The following CHM variants were observed in gnomAD, a reference collection of about 807,000 sequenced individuals.
CHM encodes CHM Rab escort protein.
In CHM, 10 loss-of-function variants were observed where a neutral mutation model predicts 49.0. The observed-to-expected ratio is 0.20, with a 90% CI of 0.13 to 0.35. CHM has a LOEUF of 0.35. CHM is among the 10% of genes least tolerant of loss of function. The pLI, the probability that CHM is intolerant of heterozygous loss-of-function variation, is 1.00. For synonymous variants in CHM, 184 were observed against 167.5 expected (o/e 1.10, Z -0.76); for missense variants, 455 against 478.4 (o/e 0.95, Z 0.46).
At chrX:85,914,209 T>C (rs1009393677) in intron 8 of CHM, among the ~76,000 whole-genome samples, 1 of 109,675 alleles carries the variant, frequency 9.1e-6, no homozygotes, top group East Asian at 2.9e-4. Context: ...ACGGGAAGAG[T>C]TGCAGTGGAG....
At chrX:86,013,467 C>T (rs1425559846) in intron 2 of CHM, among the ~76,000 whole-genome samples, 1 of 111,624 alleles carries the variant, frequency 9.0e-6, no homozygotes, top group Non-Finnish European at 1.9e-5. Context: ...GGGACGGTGG[C>T]TCATGCCTGT....
chrX:85,905,535 G>C (rs1163559650), intron 9 of CHM, among the ~76,000 whole-genome samples: 1 of 111,683 alleles, frequency 9.0e-6, no homozygotes, highest in Non-Finnish European at 1.9e-5. Context: ...ATAAGGATAG[G>C]GAATTACACA....
chrX:86,026,127 T>TTTTTTTTTTTTTTTTTTG (rs1933812685), intron 2 of CHM, among the ~76,000 whole-genome samples: 1 of 75,721 alleles, frequency 1.3e-5, no homozygotes, highest in Non-Finnish European at 2.5e-5. Context: ...TTTTTTTTTT[T>TTTTTTTTTTTTTTTTTTG]TTTTTTTTTT....
At chrX:86,028,827 GATCCTCTC>G (rs1933939576) in intron 1 of CHM, among the ~76,000 whole-genome samples, 1 of 111,025 alleles carries the variant, frequency 9.0e-6, no homozygotes, top group Non-Finnish European at 1.9e-5. Flanking sequence ...GAAACATCCT[GATCCTCTC>G]GTGTTTTTAC....
At chrX:85,874,401 G>A (rs1924296797) in intron 13 of CHM, among the ~76,000 whole-genome samples, 1 of 110,965 alleles carries the variant, frequency 9.0e-6, no homozygotes, top group Non-Finnish European at 1.9e-5. Context: ...AAGACCATGA[G>A]GCACCTCATG....
chrX:85,984,546 G>GT (rs1385085299), intron 2 of CHM, among the ~76,000 whole-genome samples: 1 of 111,813 alleles, frequency 8.9e-6, no homozygotes, highest in African/African-American at 3.3e-5. Context: ...ATATCTGGTA[G>GT]TTTTTTAATA....
intron 1 of CHM, among the ~76,000 whole-genome samples, chrX:86,036,357 A>C (rs762203974): frequency 6.3e-5 from 7 of 111,964 alleles, no homozygotes; most frequent in African/African-American, 2.3e-4. Flanking sequence ...TTTCTGGCTG[A>C]CAATTTGTTG....
chrX:86,013,183 T>G (rs1933148226), intron 2 of CHM, among the ~76,000 whole-genome samples: 1 of 111,432 alleles, frequency 9.0e-6, no homozygotes. Context: ...AATAAAATTC[T>G]TCTCTGCCCA....
chrX:85,887,262 C>T (rs1219894291), intron 12 of CHM, among the ~76,000 whole-genome samples: 1 of 110,720 alleles, frequency 9.0e-6, no homozygotes, highest in Non-Finnish European at 1.9e-5. Flanking sequence ...CTTTCCCATG[C>T]TGTTCTTGTG....
intron 2 of CHM, chrX:86,019,532 T>C (rs1933447998): frequency 9.0e-6 from 1 of 111,546 alleles, no homozygotes; most frequent in Non-Finnish European, 1.9e-5. Flanking sequence ...AACAAACAAA[T>C]ATCTGGCAAG....
In CHM at chrX:85,870,845, T is replaced by C. The variant is rs931845702; in HGVS notation, c.1770+2207A>G. On this transcript the variant is annotated intron_variant, in intron 14 of 14. Transcript: ENST00000357749. ...GCCAGGAGCACACAATTTGAACTTG[T>C]GGGTATTAAAGACAGATCACTTTAT... 3.6e-5 allele frequency among the ~76,000 whole-genome samples: 4 copies of C among 111,443 alleles called. No individual in the cohort carries two copies. The Admixed American group carries it at 3.8e-4, about 11-fold the overall frequency.
chrX:85,887,964 G>A (rs1350208486), intron 12 of CHM, among the ~76,000 whole-genome samples: 1 of 112,057 alleles, frequency 8.9e-6, no homozygotes, highest in African/African-American at 3.2e-5. Flanking sequence ...ATAAAAGTTT[G>A]GAAAATTTGC....
intron 2 of CHM, among the ~76,000 whole-genome samples, chrX:86,013,498 C>T (rs1462738544): frequency 9.0e-6 from 1 of 111,279 alleles, no homozygotes; most frequent in Non-Finnish European, 1.9e-5. Flanking sequence ...ATTTGGGTGG[C>T]CGAGACAGGC....
At position 85,963,995 on chromosome X, in the gene CHM, A is replaced by G. The variant is rs1569229228; in HGVS notation, c.372T>C (p.Leu124=). 4.1e-6 allele frequency: 5 copies of G among 1,207,112 alleles called. No homozygotes were observed. The African/African-American group carries it at 8.8e-5, about 21-fold the overall frequency. ...CTTCTGTGGAGTTTGCAGATGTCAC[A>G]AGAGCATGATTTTTCTGCAGTGCAC... ...EAGALQKNHA[L]VTSANSTEAA... is the part of the protein sequence containing the mutation. Residue 124 remains leucine (L), a synonymous_variant, in exon 5 of 15, where the codon CTT becomes CTC. Coordinates refer to ENST00000357749, the MANE Select transcript of CHM (RefSeq NM_000390.4).
rs1280877245 is a variant in CHM at position 85,958,922 on chromosome X, C to T, written c.758G>A (p.Arg253Gln). 3.3e-6 allele frequency: 4 copies of T among 1,211,137 alleles called. No homozygotes were observed. The highest frequency in any genetic ancestry group is 1.1e-6 in the Non-Finnish European group (1 of 895,260). The change falls in exon 6 of 15, where the codon CGA (arginine) becomes CAA (glutamine). Residue 253 changes from arginine to glutamine, a missense_variant. Physicochemically the swap from Arg to Gln is conservative, Grantham distance 43. Coordinates refer to ENST00000357749, the MANE Select transcript of CHM (RefSeq NM_000390.4). ...IDLLIKSNVS[R>Q]YAEFKNITRI... ...GGTAATATTTTTAAACTCTGCATAT[C>T]GACTAACATTAGATTTGATTAGAAG... is the stretch of plus-strand genomic sequence containing the variant.
At chrX:85,911,697 C>G (rs375844036) in intron 8 of CHM, among the ~76,000 whole-genome samples, 25 of 110,843 alleles carry the variant, frequency 2.3e-4, no homozygotes, top group African/African-American at 8.2e-4. Context: ...CAAGAGAAAT[C>G]ACCATTGAGA....
At chrX:85,972,177 T>C (rs139047623) in intron 4 of CHM, among the ~76,000 whole-genome samples, 18,694 of 110,037 alleles carry the variant, frequency 0.17, 1,544 homozygotes, top group Non-Finnish European at 0.25. Flanking sequence ...AGAGTGTCGA[T>C]TGGTGCACTC....
chrX:85,941,305 T>G (rs987252019), intron 8 of CHM, among the ~76,000 whole-genome samples: 2 of 111,446 alleles, frequency 1.8e-5, no homozygotes, highest in South Asian at 7.6e-4. Flanking sequence ...ACCTGGGAAT[T>G]TGTTAAAATT....
At chrX:86,031,949 T>G (rs1187616215) in intron 1 of CHM, among the ~76,000 whole-genome samples, 1 of 112,977 alleles carries the variant, frequency 8.9e-6, no homozygotes, top group Non-Finnish European at 1.9e-5. Flanking sequence ...AAATTAATAT[T>G]TCTAAGTGCA....
Sources: allele counts gnomAD v4.1 joint callset (sites outside exome capture counted in the v4.1 genomes callset), GRCh38; gene constraint gnomAD v4.1.1; transcripts MANE v1.5; gene names NCBI Gene and HGNC (gene_info 2026-07-23, HGNC 2026-07-21).